The following OPCML variants were observed in gnomAD, a reference collection of about 807,000 sequenced individuals.
OPCML encodes opioid-binding protein/cell adhesion molecule.
A neutral mutation model predicts 37.8 loss-of-function variants in OPCML; 13 were observed. That is an observed-to-expected ratio of 0.34 (90% CI 0.22 to 0.55). OPCML has a LOEUF of 0.55. Among genes scored for constraint, OPCML ranks in the 20% least tolerant of loss-of-function variants. The pLI, the probability that OPCML is intolerant of heterozygous loss-of-function variation, is 0.91. For synonymous variants in OPCML, 176 were observed against 168.8 expected, an observed-to-expected ratio of 1.04 and a Z score of -0.33; for missense variants, 341 against 435.6, an observed-to-expected ratio of 0.78 and a Z score of 1.93.
chr11:132,982,270 A>G (rs1292426526), intron 1 of OPCML, among the ~76,000 whole-genome samples: 1 of 152,060 alleles, frequency 6.6e-6, no homozygotes, highest in Non-Finnish European at 1.5e-5. Context: ...TACTCTATGA[A>G]GTTCTTCCAT....
chr11:132,504,481 G>A (rs1014516016), intron 4 of OPCML, among the ~76,000 whole-genome samples: 4 of 152,136 alleles, frequency 2.6e-5, no homozygotes, highest in Non-Finnish European at 1.5e-5. Flanking sequence ...TTTGGTCCAG[G>A]CTTTCTCATG....
intron 7 of OPCML, among the ~76,000 whole-genome samples, chr11:132,432,969 A>C (rs1253549640): frequency 6.6e-6 from 1 of 152,168 alleles, no homozygotes; most frequent in Non-Finnish European, 1.5e-5. Flanking sequence ...CAGCAGTCAA[A>C]GGCGCGGAAT....
At chr11:132,841,730 G>A (rs746879223) in intron 2 of OPCML, among the ~76,000 whole-genome samples, 2 of 151,722 alleles carry the variant, frequency 1.3e-5, no homozygotes, top group Non-Finnish European at 2.9e-5. Context: ...GTGTGGTGGT[G>A]AGAGCCTGTA....
chr11:132,555,168 A>AT (rs1042613415), intron 3 of OPCML, among the ~76,000 whole-genome samples: 7 of 152,020 alleles, frequency 4.6e-5, no homozygotes, highest in East Asian at 1.9e-4. Context: ...AGAAACATGC[A>AT]TTTTTTTGAT....
chr11:133,350,336 T>C (rs972168880), intron 1 of OPCML, among the ~76,000 whole-genome samples: 4 of 152,220 alleles, frequency 2.6e-5, no homozygotes, highest in African/African-American at 4.8e-5. Flanking sequence ...GAAAAAATGA[T>C]GGTTTTTCAA....
intron 2 of OPCML, among the ~76,000 whole-genome samples, chr11:132,869,690 T>C (rs892618350): frequency 3.3e-5 from 5 of 152,244 alleles, no homozygotes; most frequent in African/African-American, 1.2e-4. Context: ...GACTGTCATT[T>C]TCTCAGCTAA....
At chr11:132,438,678 C>T (rs941010622) in intron 4 of OPCML, among the ~76,000 whole-genome samples, 1 of 150,000 alleles carries the variant, frequency 6.7e-6, no homozygotes, top group Non-Finnish European at 1.5e-5. Flanking sequence ...AGAAAGGTGT[C>T]TGTGGAGGTG....
At chr11:133,303,966 C>G (rs143049162) in intron 1 of OPCML, among the ~76,000 whole-genome samples, 2 of 152,196 alleles carry the variant, frequency 1.3e-5, no homozygotes, top group Non-Finnish European at 2.9e-5. Flanking sequence ...TAGATTTAAA[C>G]TTTAATAACT....
intron 1 of OPCML, among the ~76,000 whole-genome samples, chr11:133,395,506 C>T (rs139967562): frequency 6.6e-6 from 1 of 152,082 alleles, no homozygotes; most frequent in Non-Finnish European, 1.5e-5. Flanking sequence ...CTAATGTTTT[C>T]CTGTAGTGGT....
chr11:132,801,997 C>T (rs76955709), intron 2 of OPCML, among the ~76,000 whole-genome samples: 1 of 152,252 alleles, frequency 6.6e-6, no homozygotes, highest in Admixed American at 6.5e-5. Flanking sequence ...CATCTCCCCC[C>T]ACCACCCTCA....
At chr11:132,575,921 T>C (rs1264235547) in intron 3 of OPCML, among the ~76,000 whole-genome samples, 1 of 152,106 alleles carries the variant, frequency 6.6e-6, no homozygotes. Context: ...ATAGTAATCT[T>C]GATTGGTAGT....
At chr11:132,437,076 C>T (rs560233993) in intron 5 of OPCML, 146 bp downstream of exon 5, 107 of 1,373,228 alleles carry the variant, frequency 7.8e-5, no homozygotes, top group Non-Finnish European at 9.9e-5. Context: ...GGCACGGAGG[C>T]CATGGTGGGC....
intron 1 of OPCML, among the ~76,000 whole-genome samples, chr11:133,032,727 A>C (rs1420622186): frequency 6.6e-6 from 1 of 152,250 alleles, no homozygotes; most frequent in Non-Finnish European, 1.5e-5. Flanking sequence ...CTAACTGAGC[A>C]GCCCCCAGTT....
At chr11:133,453,846 T>C (rs1946625235) in intron 1 of OPCML, among the ~76,000 whole-genome samples, 1 of 152,318 alleles carries the variant, frequency 6.6e-6, no homozygotes, top group Non-Finnish European at 1.5e-5. Context: ...TAAATATGAA[T>C]GTTTGCGGAC....
intron 1 of OPCML, among the ~76,000 whole-genome samples, chr11:133,215,525 C>G (rs1179291879): frequency 6.6e-6 from 1 of 152,114 alleles, no homozygotes; most frequent in Non-Finnish European, 1.5e-5. Flanking sequence ...CGTCCTATTC[C>G]CAGGGTCCTC....
intron 1 of OPCML, among the ~76,000 whole-genome samples, chr11:132,987,218 A>G (rs531442022): frequency 2.6e-5 from 4 of 152,284 alleles, no homozygotes; most frequent in African/African-American, 9.6e-5. Flanking sequence ...CAATGAGATG[A>G]AAATTTGAGC....
chr11:133,253,601 G>T (rs1325153848), intron 1 of OPCML, among the ~76,000 whole-genome samples: 2 of 152,108 alleles, frequency 1.3e-5, no homozygotes, highest in African/African-American at 4.8e-5. Context: ...GAGCCAACAC[G>T]CCTGGCTTGC....
chr11:132,912,195 C>T (rs1944449654), intron 2 of OPCML, among the ~76,000 whole-genome samples: 1 of 152,032 alleles, frequency 6.6e-6, no homozygotes, highest in Non-Finnish European at 1.5e-5. Context: ...GACTGCAAAG[C>T]TCTCAGATAT....
In OPCML at chr11:132,845,556, G is replaced by A. The variant is rs1565905642; in HGVS notation, c.146+97370C>T. Among the ~76,000 whole-genome samples the A allele has an allele frequency of 2.6e-5, 4 of 152,178 alleles. No individual in the cohort carries two copies. In the South Asian group the frequency reaches 8.3e-4, roughly 31 times the overall value. On this transcript the variant is annotated intron_variant, in intron 2 of 7. Coordinates refer to ENST00000524381, the MANE Select transcript of OPCML (RefSeq NM_001012393.5). ...GAGGGATTAGCTGGCAGGATCCTCA[G>A]ATGTTCTCTGGGATCCCAGGATGGG... is the stretch of plus-strand genomic sequence containing the variant.
Sources: gnomAD v4.1 joint callset for allele counts (sites outside exome capture counted in the v4.1 genomes callset) on GRCh38, gnomAD v4.1.1 for gene constraint, MANE v1.5 for transcripts, NCBI Gene and HGNC (gene_info 2026-07-23, HGNC 2026-07-21) for gene names.